SIK2: variants seen among roughly 807,000 people sequenced by gnomAD.
SIK2 encodes salt inducible kinase 2.
In SIK2, 29 loss-of-function variants were observed where a neutral mutation model predicts 103.2. The ratio of observed to expected loss-of-function variants is 0.28; its 90% confidence interval spans 0.21 to 0.38. SIK2 has a LOEUF of 0.38. Among genes scored for constraint, SIK2 ranks in the 10% least tolerant of loss-of-function variants. The pLI, the probability that SIK2 is intolerant of heterozygous loss-of-function variation, is 1.00. For synonymous variants in SIK2, 412 were observed against 446.1 expected (o/e 0.92, Z 0.96); for missense variants, 879 against 1,171.0 (o/e 0.75, Z 3.64).
In SIK2 at chr11:111,614,331, G is replaced by C. The variant is rs1007933802; in HGVS notation, c.136-1912G>C. On this transcript the variant is annotated intron_variant, in intron 1 of 14. Transcript: ENST00000304987. ...ACTCCTGACCTCAAATGATCAGCCT[G>C]CCTCGGCCTTCCAAAGTGTTGGGAT... 2.6e-5 allele frequency among the ~76,000 whole-genome samples: 4 copies of C among 152,156 alleles called. No homozygotes were observed. In the East Asian group the frequency reaches 7.7e-4, roughly 29 times the overall value.
intron 12 of SIK2, among the ~76,000 whole-genome samples, chr11:111,721,263 A>G (rs12293838): frequency 0.032 from 4,892 of 152,258 alleles, 244 homozygotes; most frequent in African/African-American, 0.11. Context: ...CAAGTGATCA[A>G]TACCAGATGG....
chr11:111,642,928 A>G (rs1312678155), intron 3 of SIK2, among the ~76,000 whole-genome samples: 1 of 146,564 alleles, frequency 6.8e-6, no homozygotes, highest in Admixed American at 6.7e-5. Flanking sequence ...ATATATTCTT[A>G]TTGTTGCAAC....
intron 1 of SIK2, among the ~76,000 whole-genome samples, chr11:111,606,452 T>C (rs1941649056): frequency 6.6e-6 from 1 of 152,062 alleles, no homozygotes; most frequent in African/African-American, 2.4e-5. Context: ...ATGGTACATA[T>C]ATATAAATTA....
In SIK2 at chr11:111,688,257, T is replaced by A; in HGVS notation, c.478+95T>A. ...CTGCAGGCGCAGATTCAGCAGCATT[T>A]CTACCTGATGACATCAGGCTATCTC... On this transcript the variant is annotated intron_variant, in intron 4 of 14. Transcript: ENST00000304987. This position sits in a 1 kb window ranked among gnomAD's most constrained non-coding sequence, Gnocchi z 4.2. 1 of 1,259,204 alleles carries A rather than the reference T, an allele frequency of 7.9e-7. No individual in the cohort carries two copies. The highest frequency in any genetic ancestry group is 1.3e-5 in the South Asian group (1 of 76,884). 78.0% of individuals were successfully genotyped at this position (1,259,204 alleles called of 1,614,324 possible). A position where few individuals can be genotyped will look rare whatever the true frequency, so the allele number is the denominator to read the frequency against.
rs747318481 is a variant in SIK2, at chr11:111,720,985, C to A, written c.1867C>A (p.Gln623Lys). 3 of 1,614,168 alleles carry A rather than the reference C, an allele frequency of 1.9e-6. No homozygotes were observed. In the South Asian group the frequency reaches 3.3e-5, roughly 18 times the overall value. The change falls in exon 12 of 15, where the codon CAA becomes AAA. Residue 623 changes from glutamine (Q) to lysine (K), a missense_variant. Gln to Lys is a moderately conservative substitution (Grantham distance 53). Around this residue, in one of 7 missense-constraint regions of SIK2, gnomAD observed 375 missense variants for 416.3 expected, o/e 0.90. Coordinates refer to ENST00000304987, the MANE Select transcript of SIK2 (RefSeq NM_015191.3). Reference sequence around the variant, plus strand: ...GAACAAAGTGCAGTTGTTGTATGAACAAATAGGACCGGAGGCAGACCCTAA... The same window carrying A: ...GAACAAAGTGCAGTTGTTGTATGAAAAAATAGGACCGGAGGCAGACCCTAA... ...ELNKVQLLYE[Q>K]IGPEADPNLA...
chr11:111,707,911 G>A (rs1943395328), intron 8 of SIK2, among the ~76,000 whole-genome samples: 1 of 152,152 alleles, frequency 6.6e-6, no homozygotes, highest in South Asian at 2.1e-4. Context: ...AATACAGAGT[G>A]GGAACAGCAA....
intron 3 of SIK2, among the ~76,000 whole-genome samples, chr11:111,679,466 C>T (rs749156416): frequency 1.1e-4 from 16 of 152,080 alleles, no homozygotes; most frequent in Non-Finnish European, 2.2e-4. Flanking sequence ...TAATTTTTGT[C>T]GAACACACAA....
intron 3 of SIK2, among the ~76,000 whole-genome samples, chr11:111,624,824 G>C (rs148494101): frequency 6.6e-6 from 1 of 152,342 alleles, no homozygotes; most frequent in Non-Finnish European, 1.5e-5. Context: ...TGGTTGGTTG[G>C]GAGGCATGGG....
intron 1 of SIK2, among the ~76,000 whole-genome samples, chr11:111,608,879 C>A (rs2135829304): frequency 6.6e-6 from 1 of 152,262 alleles, no homozygotes; most frequent in South Asian, 2.1e-4. Context: ...TGCCAAATTA[C>A]CCTCCAGAAA....
chr11:111,653,950 C>T (rs1942359890), intron 3 of SIK2, among the ~76,000 whole-genome samples: 1 of 152,162 alleles, frequency 6.6e-6, no homozygotes, highest in African/African-American at 2.4e-5. Context: ...ATTGACCATT[C>T]TTTGACACTT....
intron 3 of SIK2, among the ~76,000 whole-genome samples, chr11:111,626,371 G>C (rs1284847511): frequency 6.6e-6 from 1 of 151,432 alleles, no homozygotes; most frequent in African/African-American, 2.4e-5. Flanking sequence ...CAGAACTCAT[G>C]ATCTTTTTTT....
intron 3 of SIK2, among the ~76,000 whole-genome samples, chr11:111,674,641 G>T (rs1287525823): frequency 1.3e-5 from 2 of 152,170 alleles, no homozygotes; most frequent in African/African-American, 4.8e-5. Context: ...CGTAAATTGT[G>T]TAGTGAAAAT....
At chr11:111,716,280 G>T (rs192905023) in intron 9 of SIK2, among the ~76,000 whole-genome samples, 54 of 152,208 alleles carry the variant, frequency 3.5e-4, no homozygotes, top group Non-Finnish European at 7.4e-5. Context: ...TACACACAAG[G>T]TCTGAAAAGG....
intron 2 of SIK2, among the ~76,000 whole-genome samples, chr11:111,617,226 C>G (rs76508799): frequency 0.029 from 4,384 of 152,156 alleles, 140 homozygotes; most frequent in Admixed American, 0.084. Flanking sequence ...GTGGTGAAGT[C>G]TGGGCTTTTA....
chr11:111,675,477 T>G (rs1565347779), intron 3 of SIK2, among the ~76,000 whole-genome samples: 1 of 152,260 alleles, frequency 6.6e-6, no homozygotes, highest in Non-Finnish European at 1.5e-5. Flanking sequence ...TTTTGGTTTT[T>G]GCAGCTGGCC....
Position 111,688,296 on chromosome 11 carries a change from T to C in SIK2, c.478+134T>C. On this transcript the variant is annotated intron_variant, in intron 4 of 14. Coordinates refer to ENST00000304987, the MANE Select transcript of SIK2 (RefSeq NM_015191.3). This position sits in a 1 kb window ranked among gnomAD's most constrained non-coding sequence, Gnocchi z 4.2. ...TCAGGCTATCTCAAAGTCCATTTTATTCATTTCCTTAGTTCTGTGTGTAAT... is the reference window on the plus strand; with the variant it reads ...TCAGGCTATCTCAAAGTCCATTTTACTCATTTCCTTAGTTCTGTGTGTAAT... 1 of 833,030 alleles carries C rather than the reference T, an allele frequency of 1.2e-6. No homozygotes were observed. The highest frequency in any genetic ancestry group is 1.9e-6 in the Non-Finnish European group (1 of 530,516). 51.6% of individuals were successfully genotyped at this position (833,030 alleles called of 1,614,324 possible).
chr11:111,648,281 T>C (rs1306092317), intron 3 of SIK2, among the ~76,000 whole-genome samples: 1 of 97,430 alleles, frequency 1.0e-5, no homozygotes, highest in East Asian at 2.1e-4. Flanking sequence ...ACAAAATACC[T>C]TAAACTGGGT....
chr11:111,701,915 A>G lies in SIK2; in HGVS notation c.727+340A>G, dbSNP rs1393261640. Among the ~76,000 whole-genome samples, 1 of 152,190 alleles carries G rather than the reference A, an allele frequency of 6.6e-6. No homozygotes were observed. The highest frequency in any genetic ancestry group is 1.5e-5 in the Non-Finnish European group (1 of 68,020). On this transcript the variant is annotated intron_variant, in intron 6 of 14. Transcript: ENST00000304987. This position sits in a 1 kb window ranked among gnomAD's most constrained non-coding sequence, Gnocchi z 4.2. ...ACTCCAATATGAAATGAACTTTATA[A>G]AATTAAAATTTTTTTAATTAAATAA... is the stretch of plus-strand genomic sequence containing the variant.
At chr11:111,720,455 ATC>A (rs1943767651) in intron 10 of SIK2, 21 bp from the exon 11 acceptor site, 1 of 1,572,274 alleles carries the variant, frequency 6.4e-7, no homozygotes, top group African/African-American at 1.4e-5. Context: ...TGTTGGTTTT[ATC>A]TGTTCTGTTT....
Sources: gnomAD v4.1 joint callset for allele counts (sites outside exome capture counted in the v4.1 genomes callset) on GRCh38, gnomAD v4.1.1 for gene constraint, gnomAD v4.1.1 regional missense constraint, Gnocchi (gnomAD v3.1) non-coding constraint, MANE v1.5 for transcripts, NCBI Gene and HGNC (gene_info 2026-07-23, HGNC 2026-07-21) for gene names.